The following SORBS2 variants were observed in gnomAD, a reference collection of about 807,000 sequenced individuals.
The protein encoded by SORBS2 is sorbin and SH3 domain-containing protein 2.
SORBS2 carries 46 observed loss-of-function variants against 97.7 expected under a neutral mutation model. The observed-to-expected ratio is 0.47, with a 90% CI of 0.37 to 0.60. SORBS2 has a LOEUF of 0.60. Ranked by LOEUF, SORBS2 falls within the 20% of genes least tolerant of loss-of-function variation. SORBS2 has a pLI of 0.00. For synonymous variants in SORBS2, 476 were observed against 473.4 expected (o/e 1.01, Z -0.07); for missense variants, 1,316 against 1,282.3 (o/e 1.03, Z -0.40).
At chr4:185,723,390 G>C (rs1277275241) in intron 2 of SORBS2, among the ~76,000 whole-genome samples, 1 of 152,132 alleles carries the variant, frequency 6.6e-6, no homozygotes, top group African/African-American at 2.4e-5. Flanking sequence ...TATAGAACAG[G>C]GTATGTTTTA....
At chr4:185,936,458 C>A (rs77199435) in intron 1 of SORBS2, among the ~76,000 whole-genome samples, 2,704 of 152,266 alleles carry the variant, frequency 0.018, 54 homozygotes, top group African/African-American at 0.061. Flanking sequence ...TATGGGAACT[C>A]ACAAACAGGA....
Position 185,702,814 on chromosome 4 carries a change from T to C in SORBS2, c.-197-23992A>G, listed in dbSNP as rs73873305. On this transcript the variant is annotated intron_variant, in intron 2 of 20. Coordinates refer to the SORBS2 transcript ENST00000284776. ...AATATAAAAGCACATAAGGGACTTT[T>C]ATGGTTTGAAATTTTGCTAAATCTA... 7.5e-3 allele frequency among the ~76,000 whole-genome samples: 1,141 copies of C among 152,282 alleles called. 14 individuals carry two copies. The highest frequency in any genetic ancestry group is 0.026 in the African/African-American group (1,088 of 41,552).
chr4:185,725,771 CT>C (rs1263389295), intron 2 of SORBS2, among the ~76,000 whole-genome samples: 2 of 152,144 alleles, frequency 1.3e-5, no homozygotes. Flanking sequence ...AGTTCTCCCC[CT>C]AATATTGATC....
chr4:185,845,017 C>CT (rs57089831), intron 1 of SORBS2, among the ~76,000 whole-genome samples: 4,347 of 140,292 alleles, frequency 0.031, 197 homozygotes, highest in African/African-American at 0.1. Context: ...GATGAAAATG[C>CT]TTTTTTTTTT....
chr4:185,795,913 C>T (rs2099102631), intron 1 of SORBS2, among the ~76,000 whole-genome samples: 1 of 152,200 alleles, frequency 6.6e-6, no homozygotes, highest in South Asian at 2.1e-4. Flanking sequence ...CCATAGCCTG[C>T]TTCTACTCCC....
chr4:185,617,527 A>T (rs1262284663), intron 9 of SORBS2, among the ~76,000 whole-genome samples: 21 of 62,542 alleles, frequency 3.4e-4, no homozygotes. Context: ...TTTGGTTATT[A>T]TATATATATA....
intron 5 of SORBS2, among the ~76,000 whole-genome samples, chr4:185,628,011 C>T (rs1048087801): frequency 6.6e-6 from 1 of 152,128 alleles, no homozygotes; most frequent in Admixed American, 6.5e-5. Context: ...CACTTGATAG[C>T]TCATTTCTTT....
intron 2 of SORBS2, among the ~76,000 whole-genome samples, chr4:185,724,123 A>G (rs897876366): frequency 2.0e-5 from 3 of 152,192 alleles, no homozygotes; most frequent in Admixed American, 2.0e-4. Context: ...TTCCAAGTGA[A>G]GTTAACAATA....
intron 2 of SORBS2, among the ~76,000 whole-genome samples, chr4:185,736,567 A>G (rs891467503): frequency 3.9e-5 from 6 of 152,210 alleles, no homozygotes; most frequent in African/African-American, 1.2e-4. Context: ...CTTCGGACAC[A>G]ATACCTTTCC....
rs1053153002 is a variant in SORBS2 at position 185,684,970 on chromosome 4, A to G, written c.-197-6148T>C. ...AGATGAACAGTTAGAATTAGTAATC[A>G]TGGAATGCACCTGCCAATTTCACAC... On this transcript the variant is annotated intron_variant, in intron 2 of 20. Transcript: ENST00000284776. The surrounding 1 kb of genome is among the most constrained non-coding windows in gnomAD (Gnocchi z 4.2). 2 of 722,136 alleles carry G rather than the reference A, an allele frequency of 2.8e-6. No individual in the cohort carries two copies. Among genetic ancestry groups the G allele is most frequent in the Admixed American group, 5.2e-5 (2 of 38,630 alleles). The allele number at this position is 722,136 out of a possible 1,614,324, so 44.7% of individuals were successfully genotyped here.
upstream of SORBS2, among the ~76,000 whole-genome samples, chr4:185,661,030 T>A (rs1464375864): frequency 1.3e-5 from 2 of 152,152 alleles, no homozygotes; most frequent in Non-Finnish European, 2.9e-5. Context: ...ATCCCAGCAC[T>A]TAGGGAGGTC....
chr4:185,606,305 G>C lies in SORBS2; in HGVS notation c.2796+5475C>G. 1.0e-6 allele frequency: 1 copy of C among 977,486 alleles called. No individual in the cohort carries two copies. The highest frequency in any genetic ancestry group is 1.2e-6 in the Non-Finnish European group (1 of 822,920). The allele number at this position is 977,486 out of a possible 1,614,324, so 60.6% of individuals were successfully genotyped here. On this transcript the variant is annotated intron_variant, in intron 12 of 14. Transcript: ENST00000418609. This position sits in a 1 kb window ranked among gnomAD's most constrained non-coding sequence, Gnocchi z 4.3. Reference sequence around the variant, plus strand: ...ACTATTAGCTATCATTGTTAATATTGGAAGATTACAAAGACTATATCAATT... The same window carrying C: ...ACTATTAGCTATCATTGTTAATATTCGAAGATTACAAAGACTATATCAATT...
intron 2 of SORBS2, among the ~76,000 whole-genome samples, chr4:185,766,646 AAC>A (rs1432359806): frequency 1.1e-4 from 17 of 152,180 alleles, no homozygotes; most frequent in Non-Finnish European, 2.9e-5. Context: ...GTTCAGTTCA[AAC>A]ACACACAAAA....
intron 2 of SORBS2, among the ~76,000 whole-genome samples, chr4:185,686,428 G>A (rs1488444537): frequency 6.6e-6 from 1 of 152,034 alleles, no homozygotes; most frequent in Non-Finnish European, 1.5e-5. Context: ...CAACTTGAAA[G>A]AATATTAAAA....
At chr4:185,598,581 AAAG>A (rs1430527801) in intron 12 of SORBS2, among the ~76,000 whole-genome samples, 1 of 152,232 alleles carries the variant, frequency 6.6e-6, no homozygotes, top group African/African-American at 2.4e-5. Flanking sequence ...AATAATTCTT[AAAG>A]AAGGATTGAC....
chr4:185,596,530 CTTTTTTTTTTT>C (rs58831094), intron 12 of SORBS2, among the ~76,000 whole-genome samples: 3 of 77,432 alleles, frequency 3.9e-5, no homozygotes, highest in Non-Finnish European at 7.0e-5. Context: ...ACCGTCCTTG[CTTTTTTTTTTT>C]TTTTTTTTTT....
intron 1 of SORBS2, among the ~76,000 whole-genome samples, chr4:185,953,931 A>G (rs1473646005): frequency 2.0e-5 from 3 of 152,200 alleles, no homozygotes; most frequent in East Asian, 1.9e-4. Flanking sequence ...TTGGTCCATT[A>G]TCTCATGCCT....
At chr4:185,639,195 C>T (rs1236536441) in intron 4 of SORBS2, among the ~76,000 whole-genome samples, 160 bp from the exon 14 acceptor site, 2 of 152,184 alleles carry the variant, frequency 1.3e-5, no homozygotes. Context: ...CGGGAGCGAT[C>T]CGGGCCGCTG....
chr4:185,827,010 C>G (rs555390770), intron 1 of SORBS2, among the ~76,000 whole-genome samples: 1 of 149,856 alleles, frequency 6.7e-6, no homozygotes, highest in Non-Finnish European at 1.5e-5. Context: ...CCCCTGACTA[C>G]GTCATCATCA....
Sources: allele counts gnomAD v4.1 joint callset (sites outside exome capture counted in the v4.1 genomes callset), GRCh38; gene constraint gnomAD v4.1.1; non-coding constraint Gnocchi (gnomAD v3.1); transcripts MANE v1.5; gene names NCBI Gene and HGNC (gene_info 2026-07-23, HGNC 2026-07-21).